Variants in MAP3K10 observed in about 807,000 individuals in gnomAD.
MAP3K10 encodes mitogen-activated protein kinase kinase kinase 10, also known as MKN28 derived nonreceptor_type serine/threonine kinase.
MAP3K10 carries 22 observed loss-of-function variants against 75.0 expected under a neutral mutation model. That is an observed-to-expected ratio of 0.29 (90% CI 0.21 to 0.42). The LOEUF (loss-of-function observed/expected upper bound fraction) is 0.42, where lower values mean the gene tolerates loss of function less well. MAP3K10 is among the 10% of genes least tolerant of loss of function. The pLI is 1.00. For missense variants in MAP3K10, 1,165 were observed against 1,379.8 expected (o/e 0.84, Z 2.47); for synonymous variants, 599 against 612.9 (o/e 0.98, Z 0.34).
At chr19:40,194,018 A>G (rs1489759529) in intron 1 of MAP3K10, among the ~76,000 whole-genome samples, 3 of 152,184 alleles carry the variant, frequency 2.0e-5, no homozygotes, top group Non-Finnish European at 4.4e-5. Context: ...AGCCCCTAGA[A>G]TAGAGGGACT....
chr19:40,214,054 AC>A lies in MAP3K10; in HGVS notation c.2380del (p.Leu794TrpfsTer28). 6.6e-7 allele frequency: 1 copy of A among 1,516,290 alleles called. No homozygotes were observed. Among genetic ancestry groups the A allele is most frequent in the Non-Finnish European group, 8.8e-7 (1 of 1,136,544 alleles). 93.9% of individuals were successfully genotyped at this position (1,516,290 alleles called of 1,614,324 possible). ...ACACCCACGCCCTCGCCCAGCACCAACCCCCTGGTGGACCTGGAGCTGGAGA... is the reference window on the plus strand; with the variant it reads ...ACACCCACGCCCTCGCCCAGCACCAACCCCTGGTGGACCTGGAGCTGGAGA... ...APTPTPSPST[N>X]PLVDLELESF... On this transcript the variant is annotated frameshift_variant, in exon 9 of 10. Transcript: ENST00000253055. LOFTEE classifies it high-confidence loss of function.
Position 40,213,965 on chromosome 19 carries a change from G to T in MAP3K10, c.2286G>T (p.Leu762=). The T allele has an allele frequency of 6.5e-7, 1 of 1,536,002 alleles. No individual in the cohort carries two copies. Residue 762 remains leucine (L), a synonymous_variant, in exon 9 of 10, where the codon CTG becomes CTT. Transcript: ENST00000253055. This position sits in a 1 kb window ranked among gnomAD's most constrained non-coding sequence, Gnocchi z 5.7. ...VSDCNSTRSL[L]RSDSDEAAPA... Reference sequence around the variant, plus strand: ...ACTGCAACTCCACGCGTTCACTGCTGCGCTCTGACAGTGACGAGGCCGCAC... The same window carrying T: ...ACTGCAACTCCACGCGTTCACTGCTTCGCTCTGACAGTGACGAGGCCGCAC...
In MAP3K10 at chr19:40,192,155, C is replaced by A; in HGVS notation, c.124C>A (p.Arg42Ser). The A allele has an allele frequency of 6.2e-7, 1 of 1,601,844 alleles. No homozygotes were observed. Among genetic ancestry groups the A allele is most frequent in the Admixed American group, 1.7e-5 (1 of 58,554 alleles). The stretch of plus-strand genomic sequence containing the variant: ...GGAGCTGACCCTGCGGAGGGGCGAT[C>A]GCGTCCAGGTGCTTTCCCAAGACTG... The part of the protein sequence containing the change: ...DEELTLRRGD[R>S]VQVLSQDCAV... The change falls in exon 1 of 10, where the codon CGC becomes AGC. Residue 42 changes from arginine to serine, a missense_variant. Physicochemically the swap from Arg to Ser is moderately radical, Grantham distance 110. This residue lies in a region of MAP3K10 where 575 missense variants were observed against 793.2 expected (regional missense o/e 0.72). Coordinates refer to ENST00000253055, the MANE Select transcript of MAP3K10 (RefSeq NM_002446.4). The surrounding 1 kb of genome is among the most constrained non-coding windows in gnomAD (Gnocchi z 7.1).
chr19:40,203,767 A>C (rs537131947), intron 2 of MAP3K10, among the ~76,000 whole-genome samples: 65 of 152,252 alleles, frequency 4.3e-4, no homozygotes, highest in Non-Finnish European at 8.1e-4. Context: ...TTTAGAGGTA[A>C]GTGCTGAGTG....
Position 40,204,674 on chromosome 19 carries a change from G to T in MAP3K10, c.1012+41G>T. ...GTGACGAGGGTAGGCTCAGCTTGGA[G>T]TGGCAGGGACCTGTGGGCCCAGACC... On this transcript the variant is annotated intron_variant, in intron 3 of 9. Coordinates refer to ENST00000253055, the MANE Select transcript of MAP3K10 (RefSeq NM_002446.4). The surrounding 1 kb of genome is among the most constrained non-coding windows in gnomAD (Gnocchi z 4.3). The T allele has an allele frequency of 6.3e-7, 1 of 1,598,356 alleles. No individual in the cohort carries two copies.
chr19:40,214,106 G>A lies in MAP3K10; in HGVS notation c.2427G>A (p.Ser809=). The part of the protein sequence containing the change: ...LESFKKDPRQ[S]LTPTHVTAAC... ...GCTTCAAGAAGGACCCCCGCCAGTC[G>A]CTCACGCCCACCCACGTCACGGCTG... Residue 809 remains serine, a synonymous_variant, in exon 9 of 10, where the codon TCG becomes TCA. Coordinates refer to ENST00000253055, the MANE Select transcript of MAP3K10 (RefSeq NM_002446.4). The A allele has an allele frequency of 6.4e-7, 1 of 1,565,720 alleles. No individual in the cohort carries two copies. The highest frequency in any genetic ancestry group is 8.6e-7 in the Non-Finnish European group (1 of 1,164,320).
chr19:40,207,136 T>G (rs1378173177), intron 5 of MAP3K10, among the ~76,000 whole-genome samples: 1 of 152,150 alleles, frequency 6.6e-6, no homozygotes, highest in Non-Finnish European at 1.5e-5. Context: ...TATGCTGATA[T>G]TTGACCATTT....
Position 40,192,136 on chromosome 19 carries a change from G to A in MAP3K10, c.105G>A (p.Leu35=), listed in dbSNP as rs1182053853. Residue 35 remains leucine, a synonymous_variant, in exon 1 of 10, where the codon CTG becomes CTA. Coordinates refer to ENST00000253055, the MANE Select transcript of MAP3K10 (RefSeq NM_002446.4). This position sits in a 1 kb window ranked among gnomAD's most constrained non-coding sequence, Gnocchi z 7.1. ...ACGAGGCGGCGGGCGACGAGGAGCTGACCCTGCGGAGGGGCGATCGCGTCC... is the reference window on the plus strand; with the variant it reads ...ACGAGGCGGCGGGCGACGAGGAGCTAACCCTGCGGAGGGGCGATCGCGTCC... ...FDYEAAGDEE[L]TLRRGDRVQV... is the part of the protein sequence containing the mutation. The A allele has an allele frequency of 6.3e-7, 1 of 1,591,268 alleles. No individual in the cohort carries two copies. Among genetic ancestry groups the A allele is most frequent in the South Asian group, 1.1e-5 (1 of 87,560 alleles).
At chr19:40,201,230 C>T (rs1044733692) in intron 2 of MAP3K10, among the ~76,000 whole-genome samples, 4 of 148,186 alleles carry the variant, frequency 2.7e-5, no homozygotes, top group African/African-American at 7.5e-5. Context: ...CGGAGTACAG[C>T]GGCGCGATCT....
rs186641061 is a variant in MAP3K10 at position 40,191,464 on chromosome 19, G to C, written c.-568G>C. Among the ~76,000 whole-genome samples, 2 of 151,454 alleles carry C rather than the reference G, an allele frequency of 1.3e-5. No individual in the cohort carries two copies. Among genetic ancestry groups the C allele is most frequent in the East Asian group, 1.9e-4 (1 of 5,160 alleles). On this transcript the variant is annotated 5_prime_UTR_variant, in exon 1 of 10. Transcript: ENST00000253055. ...CGCCGGTGGCCCGGGGAAGCAGCAC[G>C]GGCGGGGGGCAGGGGCTGGGGCCGA... is the stretch of plus-strand genomic sequence containing the variant.
chr19:40,192,042 A>C lies in MAP3K10; in HGVS notation c.11A>C (p.Glu4Ala). 1 of 1,430,698 alleles carries C rather than the reference A, an allele frequency of 7.0e-7. No individual in the cohort carries two copies. Among genetic ancestry groups the C allele is most frequent in the Non-Finnish European group, 9.1e-7 (1 of 1,094,422 alleles). The allele number at this position is 1,430,698 out of a possible 1,614,324, so 88.6% of individuals were successfully genotyped here. ...CCCGGCCCCTCCCCCATGGAGGAGG[A>C]GGAGGGGGCGGTGGCCAAGGAGTGG... MEE[E>A]EGAVAKEWGT... Residue 4 changes from glutamate (E) to alanine (A), a missense_variant, in exon 1 of 10, where the codon GAG becomes GCG. Glu to Ala is a moderately radical substitution (Grantham distance 107, BLOSUM62 -1). Coordinates refer to ENST00000253055, the MANE Select transcript of MAP3K10 (RefSeq NM_002446.4). The surrounding 1 kb of genome is among the most constrained non-coding windows in gnomAD (Gnocchi z 7.1).
rs1215206912 is a variant in MAP3K10, at chr19:40,212,509, G to T, written c.1553-296G>T. On this transcript the variant is annotated intron_variant, in intron 6 of 9. Transcript: ENST00000253055. This position sits in a 1 kb window ranked among gnomAD's most constrained non-coding sequence, Gnocchi z 4.2. ...CTACCCAGAGCTGGAGACCAGAAGC[G>T]CAGGCAGCCCGCCAGAATGAATGGT... Among the ~76,000 whole-genome samples the T allele has an allele frequency of 6.6e-6, 1 of 152,206 alleles. No homozygotes were observed. The highest frequency in any genetic ancestry group is 1.5e-5 in the Non-Finnish European group (1 of 68,024).
In MAP3K10 at chr19:40,213,834, CG is replaced by C; in HGVS notation, c.2159del (p.Gly720AlafsTer102). The C allele has an allele frequency of 5.2e-6, 7 of 1,334,566 alleles. No individual in the cohort carries two copies. The highest frequency in any genetic ancestry group is 1.7e-5 in the South Asian group (1 of 60,588). 82.7% of individuals were successfully genotyped at this position (1,334,566 alleles called of 1,614,324 possible). A position where few individuals can be genotyped will look rare whatever the true frequency, so the allele number is the denominator to read the frequency against. On this transcript the variant is annotated frameshift_variant, in exon 9 of 10. Transcript: ENST00000253055. LOFTEE classifies it high-confidence loss of function. The surrounding 1 kb of genome is among the most constrained non-coding windows in gnomAD (Gnocchi z 5.7). ...CTTTCCCCGCGCCGGCCGCTTCCCG[CG>C]GGGCCTCAGCCCACCCGCGCGTCCC... ...LFFPRAGRFP[R>X]GLSPPARPHG... is the part of the protein sequence containing the mutation.
chr19:40,205,982 G>T lies in MAP3K10; in HGVS notation c.1260G>T (p.Arg420=), dbSNP rs768342095. 2 of 1,610,714 alleles carry T rather than the reference G, an allele frequency of 1.2e-6. No individual in the cohort carries two copies. Reference sequence around the variant, plus strand: ...AGCGCTTCCAGGAGGAGCAGCTGCGGCGGCGGGAGCAGGAGCTGGCAGAAC... The same window carrying T: ...AGCGCTTCCAGGAGGAGCAGCTGCGTCGGCGGGAGCAGGAGCTGGCAGAAC... ...QEQRFQEEQL[R]RREQELAERE... is the part of the protein sequence containing the mutation. Residue 420 remains arginine (R), a synonymous_variant, in exon 5 of 10, where the codon CGG becomes CGT. Coordinates refer to ENST00000253055, the MANE Select transcript of MAP3K10 (RefSeq NM_002446.4). This position sits in a 1 kb window ranked among gnomAD's most constrained non-coding sequence, Gnocchi z 4.3.
intron 1 of MAP3K10, among the ~76,000 whole-genome samples, chr19:40,193,688 TACA>T (rs1972856842): frequency 2.0e-5 from 3 of 152,210 alleles, no homozygotes; most frequent in East Asian, 1.9e-4. Flanking sequence ...AAAAAAATCT[TACA>T]TTCCTGGCTC....
chr19:40,193,364 G>A (rs555423763), intron 1 of MAP3K10, among the ~76,000 whole-genome samples: 9 of 152,334 alleles, frequency 5.9e-5, no homozygotes, highest in Non-Finnish European at 1.0e-4. Flanking sequence ...GATGAGGGAG[G>A]AATTAAATTG....
intron 1 of MAP3K10, among the ~76,000 whole-genome samples, chr19:40,193,664 G>A (rs1972856241): frequency 6.6e-6 from 1 of 151,992 alleles, no homozygotes. Flanking sequence ...CTGTCCCAGG[G>A]ATACAGCAAG....
intron 2 of MAP3K10, among the ~76,000 whole-genome samples, chr19:40,201,383 C>G (rs2356229): frequency 6.6e-6 from 1 of 151,362 alleles, no homozygotes; most frequent in South Asian, 2.1e-4. Flanking sequence ...TCAGTAGAGA[C>G]GGGGTTTCAC....
chr19:40,205,651 T>C lies in MAP3K10; in HGVS notation c.1189-260T>C. ...ACAGGGGGGTGCACTGTTCTCTGCTTTTGTGGATGTTTGAAGTTTTCTAAA... is the reference window on the plus strand; with the variant it reads ...ACAGGGGGGTGCACTGTTCTCTGCTCTTGTGGATGTTTGAAGTTTTCTAAA... On this transcript the variant is annotated intron_variant, in intron 4 of 9. Coordinates refer to ENST00000253055, the MANE Select transcript of MAP3K10 (RefSeq NM_002446.4). This position sits in a 1 kb window ranked among gnomAD's most constrained non-coding sequence, Gnocchi z 4.3. 1 of 512,722 alleles carries C rather than the reference T, an allele frequency of 2.0e-6. No individual in the cohort carries two copies. Among genetic ancestry groups the C allele is most frequent in the South Asian group, 3.4e-5 (1 of 29,322 alleles). The allele number at this position is 512,722 out of a possible 1,614,324, so 31.8% of individuals were successfully genotyped here. A position where few individuals can be genotyped will look rare whatever the true frequency, so the allele number is the denominator to read the frequency against.
Sources: allele counts gnomAD v4.1 joint callset (sites outside exome capture counted in the v4.1 genomes callset), GRCh38; gene constraint gnomAD v4.1.1; regional missense constraint gnomAD v4.1.1; non-coding constraint Gnocchi (gnomAD v3.1); transcripts MANE v1.5; gene names NCBI Gene and HGNC (gene_info 2026-07-23, HGNC 2026-07-21).